ADCY7: variants seen among roughly 807,000 people sequenced by gnomAD.
ADCY7 encodes the protein adenylate cyclase type 7.
Under a neutral mutation model 120.6 loss-of-function variants are expected in ADCY7, and 72 were observed. That is an observed-to-expected ratio of 0.60 (90% CI 0.49 to 0.73). The LOEUF (loss-of-function observed/expected upper bound fraction) is 0.73. ADCY7 is among the 30% of genes least tolerant of loss of function. ADCY7 has a pLI of 0.00. For synonymous variants in ADCY7, 661 were observed against 628.0 expected, an observed-to-expected ratio of 1.05 and a Z score of -0.78; for missense variants, 1,227 against 1,486.0, an observed-to-expected ratio of 0.83 and a Z score of 2.87.
At chr16:50,294,893 C>A in intron 7 of ADCY7, 142 bp downstream of exon 7, 1 of 614,600 alleles carries the variant, frequency 1.6e-6, no homozygotes, top group Non-Finnish European at 2.9e-6. Flanking sequence ...CAAACACAAG[C>A]GCCCCATGGT....
At chr16:50,301,346 G>A (rs1202896810) in intron 10 of ADCY7, 132 bp downstream of exon 10, 38 of 1,243,162 alleles carry the variant, frequency 3.1e-5, no homozygotes, top group Non-Finnish European at 4.2e-5. Flanking sequence ...CTGGGCAGGA[G>A]TGAGCTCCCT....
chr16:50,260,377 G>A (rs1037799898), intron 1 of ADCY7, among the ~76,000 whole-genome samples: 1 of 152,174 alleles, frequency 6.6e-6, no homozygotes. Context: ...TGTAACCAAA[G>A]GGAAAGGGAG....
chr16:50,246,529 C>T (rs1251310108), intron 1 of ADCY7, among the ~76,000 whole-genome samples: 1 of 152,198 alleles, frequency 6.6e-6, no homozygotes, highest in Non-Finnish European at 1.5e-5. Context: ...GGCCCCAGAC[C>T]CCTGTGGTGG....
upstream of ADCY7, among the ~76,000 whole-genome samples, chr16:50,244,921 G>A (rs2032536275): frequency 1.3e-5 from 1 of 74,086 alleles, no homozygotes; most frequent in African/African-American, 3.2e-5. Context: ...AAGCCGAGAG[G>A]GCTTGCTGCT....
chr16:50,293,245 G>T, intron 5 of ADCY7, 109 bp from the exon 6 acceptor site: 1 of 1,290,374 alleles, frequency 7.7e-7, no homozygotes, highest in South Asian at 1.3e-5. Context: ...GGGAGGATGG[G>T]GGCCAAGGAG....
chr16:50,251,250 A>G (rs2032748563), intron 1 of ADCY7, among the ~76,000 whole-genome samples: 1 of 152,008 alleles, frequency 6.6e-6, no homozygotes, highest in Non-Finnish European at 1.5e-5. Flanking sequence ...AAAAAAAAAA[A>G]GAAAGAAAAA....
chr16:50,308,462 C>T, intron 16 of ADCY7, 51 bp downstream of exon 16: 2 of 1,610,378 alleles, frequency 1.2e-6, no homozygotes, highest in Middle Eastern at 1.7e-4. Context: ...CCTCAGGACA[C>T]CTGCCTAGGA....
upstream of ADCY7, among the ~76,000 whole-genome samples, chr16:50,263,400 C>T (rs1044057788): frequency 2.6e-5 from 4 of 152,010 alleles, no homozygotes; most frequent in Admixed American, 1.3e-4. Flanking sequence ...AGAGACTCAC[C>T]GCCACATCTT....
intron 24 of ADCY7, 76 bp downstream of exon 24, chr16:50,314,482 C>A: frequency 9.4e-7 from 1 of 1,064,630 alleles, no homozygotes; most frequent in Non-Finnish European, 1.4e-6. Context: ...GGCACAGCTG[C>A]ACCTCGCCAT....
intron 19 of ADCY7, 81 bp from the exon 20 acceptor site, chr16:50,311,612 G>A: frequency 1.0e-6 from 1 of 977,702 alleles, no homozygotes; most frequent in Non-Finnish European, 1.6e-6. Context: ...TCCCCTGGGT[G>A]TGCGTGGCAC....
chr16:50,258,705 A>G (rs147470886), intron 1 of ADCY7, among the ~76,000 whole-genome samples: 2,303 of 150,960 alleles, frequency 0.015, 64 homozygotes, highest in African/African-American at 0.052. Flanking sequence ...CAATCCTCCT[A>G]TCTCAGCCTC....
intron 1 of ADCY7, among the ~76,000 whole-genome samples, chr16:50,276,515 T>C (rs572097119): frequency 2.1e-4 from 32 of 152,384 alleles, no homozygotes; most frequent in Non-Finnish European, 4.1e-4. Context: ...GGGGTAGGAC[T>C]GTTATTCTCC....
intron 17 of ADCY7, 178 bp downstream of exon 17, chr16:50,308,970 CGGACTTTGG>C: frequency 1.3e-6 from 1 of 742,870 alleles, no homozygotes; most frequent in Non-Finnish European, 2.0e-6. Flanking sequence ...TTCTCAAATG[CGGACTTTGG>C]GGGCCCAGAG....
At chr16:50,298,068 T>C (rs1447913714) in intron 7 of ADCY7, among the ~76,000 whole-genome samples, 1 of 151,942 alleles carries the variant, frequency 6.6e-6, no homozygotes, top group Non-Finnish European at 1.5e-5. Flanking sequence ...CCTTTTCCTA[T>C]GAGTCCCCAC....
At chr16:50,292,943 T>A in intron 5 of ADCY7, 118 bp downstream of exon 5, 5 of 1,327,124 alleles carry the variant, frequency 3.8e-6, no homozygotes, top group Non-Finnish European at 4.2e-6. Flanking sequence ...CCCATGCAGG[T>A]CTCACCTCGG....
At chr16:50,254,208 AGCAGCAGACAGG>A (rs2032844507) in intron 1 of ADCY7, among the ~76,000 whole-genome samples, 1 of 152,160 alleles carries the variant, frequency 6.6e-6, no homozygotes. Flanking sequence ...CAACAGACAC[AGCAGCAGACAGG>A]GCAGCCCACC....
intron 1 of ADCY7, among the ~76,000 whole-genome samples, chr16:50,257,708 CAT>C (rs942819019): frequency 1.1e-4 from 17 of 149,858 alleles, no homozygotes; most frequent in African/African-American, 2.9e-4. Flanking sequence ...TTGTAAATGT[CAT>C]ATATATATAT....
intron 9 of ADCY7, 52 bp from the exon 10 acceptor site, chr16:50,301,030 A>G: frequency 6.3e-7 from 1 of 1,597,760 alleles, no homozygotes; most frequent in Non-Finnish European, 8.5e-7. Context: ...CCCTGGGTGG[A>G]TGCCAGCCCT....
intron 14 of ADCY7, among the ~76,000 whole-genome samples, chr16:50,306,064 C>T (rs1185276742): frequency 6.6e-6 from 1 of 152,200 alleles, no homozygotes; most frequent in African/African-American, 2.4e-5. Flanking sequence ...GACCCAAATG[C>T]ACCATCAGAG....
Sources: allele counts gnomAD v4.1 joint callset (sites outside exome capture counted in the v4.1 genomes callset), GRCh38; gene constraint gnomAD v4.1.1; transcripts MANE v1.5; gene names NCBI Gene and HGNC (gene_info 2026-07-23, HGNC 2026-07-21).